SORCS2: variants seen among roughly 807,000 people sequenced by gnomAD.
SORCS2 encodes VPS10 domain-containing receptor SorCS2.
A neutral mutation model predicts 141.6 loss-of-function variants in SORCS2; 100 were observed. That is an observed-to-expected ratio of 0.71 (90% CI 0.60 to 0.83). The LOEUF (loss-of-function observed/expected upper bound fraction) is 0.83, where lower values mean the gene tolerates loss of function less well. SORCS2 is among the 40% of genes least tolerant of loss of function. The pLI is 0.00. For missense variants in SORCS2, 1,646 were observed against 1,560.2 expected, an observed-to-expected ratio of 1.05 and a Z score of -0.93; for synonymous variants, 789 against 676.9, an observed-to-expected ratio of 1.17 and a Z score of -2.57.
intron 2 of SORCS2, among the ~76,000 whole-genome samples, chr4:7,447,931 A>G (rs2109278629): frequency 6.6e-6 from 1 of 151,908 alleles, no homozygotes; most frequent in Non-Finnish European, 1.5e-5. Flanking sequence ...TGTGGCCTTC[A>G]CACGCAGGCT....
intron 1 of SORCS2, among the ~76,000 whole-genome samples, chr4:7,330,649 G>C (rs1560197532): frequency 6.6e-6 from 1 of 152,034 alleles, no homozygotes; most frequent in Non-Finnish European, 1.5e-5. Flanking sequence ...AGAAGTGAAA[G>C]TCAATGCCCG....
intron 11 of SORCS2, among the ~76,000 whole-genome samples, chr4:7,692,470 T>G (rs190464095): frequency 6.6e-6 from 1 of 152,318 alleles, no homozygotes; most frequent in East Asian, 1.9e-4. Flanking sequence ...ACTGTAAGGA[T>G]GAGACAGGGT....
chr4:7,622,761 C>A (rs767584604), intron 3 of SORCS2, among the ~76,000 whole-genome samples: 3 of 152,270 alleles, frequency 2.0e-5, no homozygotes, highest in Admixed American at 2.0e-4. Context: ...GTGGCCTCCA[C>A]GAGATTGTAG....
intron 3 of SORCS2, among the ~76,000 whole-genome samples, chr4:7,621,539 A>ATGTG (rs144562344): frequency 7.0e-6 from 1 of 142,988 alleles, no homozygotes; most frequent in East Asian, 2.1e-4. Flanking sequence ...ATGTGTGAGT[A>ATGTG]TGTGTGTGTG....
chr4:7,311,421 C>G (rs780489931), intron 1 of SORCS2, among the ~76,000 whole-genome samples: 1 of 152,152 alleles, frequency 6.6e-6, no homozygotes, highest in Non-Finnish European at 1.5e-5. Flanking sequence ...TCATTTCTCT[C>G]GGGTAAATAT....
At chr4:7,384,215 G>T (rs562475195) in intron 1 of SORCS2, among the ~76,000 whole-genome samples, 2 of 152,268 alleles carry the variant, frequency 1.3e-5, no homozygotes, top group South Asian at 4.2e-4. Context: ...GGCAAGACTT[G>T]GGGCAGGTAA....
chr4:7,197,231 CTTAT>C (rs1727225207), intron 1 of SORCS2, among the ~76,000 whole-genome samples: 1 of 152,212 alleles, frequency 6.6e-6, no homozygotes, highest in African/African-American at 2.4e-5. Context: ...TGGATCAGGG[CTTAT>C]TCTAACCACC....
chr4:7,543,761 C>T (rs1712951291), intron 3 of SORCS2, among the ~76,000 whole-genome samples: 2 of 129,030 alleles, frequency 1.6e-5, no homozygotes, highest in Non-Finnish European at 3.3e-5. Context: ...CCCATCCACC[C>T]ACCCATCCGT....
At chr4:7,702,416 C>T (rs913656315) in intron 12 of SORCS2, among the ~76,000 whole-genome samples, 2 of 152,252 alleles carry the variant, frequency 1.3e-5, no homozygotes, top group African/African-American at 2.4e-5. Context: ...TTTGGAGCCA[C>T]CACCGGCTCT....
At chr4:7,319,179 T>TA (rs1171585689) in intron 1 of SORCS2, among the ~76,000 whole-genome samples, 1 of 26,434 alleles carries the variant, frequency 3.8e-5, no homozygotes, top group Non-Finnish European at 8.7e-5. Flanking sequence ...ATGAGGTGTA[T>TA]TTTTTTTTAA....
rs1416582532 is a variant in SORCS2, at chr4:7,579,130, C to T, written c.648+47501C>T. Among the ~76,000 whole-genome samples, 4 of 152,220 alleles carry T rather than the reference C, an allele frequency of 2.6e-5. No homozygotes were observed. The East Asian group carries it at 7.7e-4, about 29-fold the overall frequency. ...AAACCCATCAATCCCCAGACTCACA[C>T]TTGGGGCTGCCTTGGTTCCTAGGCT... On this transcript the variant is annotated intron_variant, in intron 3 of 26. Transcript: ENST00000507866.
chr4:7,402,546 G>T (rs183061518), intron 2 of SORCS2, among the ~76,000 whole-genome samples: 1 of 152,274 alleles, frequency 6.6e-6, no homozygotes, highest in Non-Finnish European at 1.5e-5. Context: ...GTATTCCCCT[G>T]CTGTGGGAGA....
At position 7,528,092 on chromosome 4, in the gene SORCS2, C is replaced by T. The variant is rs575377547; in HGVS notation, c.549-3438C>T. ...CCAACACCAGCCAGCCTGTCACCCCCATGATAGCAGGGCACAGTGTCCACG... is the reference window on the plus strand; with the variant it reads ...CCAACACCAGCCAGCCTGTCACCCCTATGATAGCAGGGCACAGTGTCCACG... On this transcript the variant is annotated intron_variant, in intron 2 of 26. Transcript: ENST00000507866. Among the ~76,000 whole-genome samples the T allele has an allele frequency of 2.9e-5, 4 of 135,626 alleles. No individual in the cohort carries two copies. In the Admixed American group the frequency reaches 3.0e-4, roughly 10 times the overall value. 89.0% of individuals were successfully genotyped at this position (135,626 alleles called of 152,430 possible).
intron 2 of SORCS2, among the ~76,000 whole-genome samples, chr4:7,513,045 T>A (rs1246853091): frequency 6.6e-6 from 1 of 152,090 alleles, no homozygotes; most frequent in East Asian, 1.9e-4. Context: ...ACCACTGCCT[T>A]CTCTGAGGGC....
intron 2 of SORCS2, among the ~76,000 whole-genome samples, chr4:7,527,636 A>C (rs1733779072): frequency 6.6e-6 from 1 of 152,136 alleles, no homozygotes; most frequent in Non-Finnish European, 1.5e-5. Flanking sequence ...GGCTGGTTTT[A>C]AGCTGCTGAG....
At chr4:7,432,234 A>T (rs1311353359) in intron 2 of SORCS2, 2 of 152,138 alleles carry the variant, frequency 1.3e-5, no homozygotes, top group Non-Finnish European at 2.9e-5. Flanking sequence ...GCCTTCCCTG[A>T]GAATAAAAAC....
intron 1 of SORCS2, among the ~76,000 whole-genome samples, chr4:7,224,307 G>T (rs1234357903): frequency 3.3e-5 from 5 of 152,254 alleles, no homozygotes; most frequent in Non-Finnish European, 7.3e-5. Context: ...CAAGTGTGAA[G>T]ACAAATGCAC....
At chr4:7,376,274 TAAA>T (rs34885541) in intron 1 of SORCS2, among the ~76,000 whole-genome samples, 101,305 of 147,902 alleles carry the variant, frequency 0.68, 34,316 homozygotes, top group East Asian at 0.92. Flanking sequence ...ATGCAAAGAG[TAAA>T]AAAAAAAAAA....
At position 7,531,517 on chromosome 4, in the gene SORCS2, C is replaced by A; in HGVS notation, c.549-13C>A. The A allele has an allele frequency of 6.2e-7, 1 of 1,612,808 alleles. No homozygotes were observed. Among genetic ancestry groups the A allele is most frequent in the South Asian group, 1.1e-5 (1 of 90,916 alleles). On this transcript the variant is annotated splice_polypyrimidine_tract_variant and intron_variant, in intron 2 of 26. Coordinates refer to ENST00000507866, the MANE Select transcript of SORCS2 (RefSeq NM_020777.3). The stretch of plus-strand genomic sequence containing the variant: ...AGGGTACATGGCTGACGGCTGTCCC[C>A]CTTTTCCCCCAGGTCATCAGATTTC...
Sources: allele counts gnomAD v4.1 joint callset (sites outside exome capture counted in the v4.1 genomes callset), GRCh38; gene constraint gnomAD v4.1.1; transcripts MANE v1.5; gene names NCBI Gene and HGNC (gene_info 2026-07-23, HGNC 2026-07-21).